The following NDRG3 variants were observed in gnomAD, a reference collection of about 807,000 sequenced individuals.
The protein encoded by NDRG3 is protein NDRG3.
NDRG3 carries 23 observed loss-of-function variants against 57.2 expected under a neutral mutation model. The observed-to-expected ratio is 0.40, with a 90% CI of 0.29 to 0.57. The LOEUF (loss-of-function observed/expected upper bound fraction) is 0.57. NDRG3 is among the 20% of genes least tolerant of loss of function. The pLI, the probability that NDRG3 is intolerant of heterozygous loss-of-function variation, is 0.42. For missense variants in NDRG3, 384 were observed against 457.3 expected, an observed-to-expected ratio of 0.84 and a Z score of 1.46; for synonymous variants, 132 against 162.6, an observed-to-expected ratio of 0.81 and a Z score of 1.43.
chr20:36,683,650 A>ATGTATG lies in NDRG3; in HGVS notation c.383+762_383+763insCATACA, dbSNP rs200203264. Among the ~76,000 whole-genome samples, 349 of 146,284 alleles carry ATGTATG rather than the reference A, an allele frequency of 2.4e-3. 2 individuals carry two copies. Among genetic ancestry groups the ATGTATG allele is most frequent in the African/African-American group, 8.9e-3 (337 of 37,916 alleles). Reference sequence around the variant, plus strand: ...TAAATAAATAAATAAATATATGTATATATATGTATATATACATATATATAT... The same window carrying ATGTATG: ...TAAATAAATAAATAAATATATGTATATGTATGTATATGTATATATACATATATATAT... On this transcript the variant is annotated intron_variant, in intron 6 of 15. Coordinates refer to ENST00000349004, the MANE Select transcript of NDRG3 (RefSeq NM_032013.4).
At chr20:36,706,869 T>G in intron 3 of NDRG3, 103 bp downstream of exon 3, 1 of 952,952 alleles carries the variant, frequency 1.0e-6, no homozygotes, top group Non-Finnish European at 1.6e-6. Flanking sequence ...GGACTCATTA[T>G]TAGCTATAAT....
chr20:36,693,862 A>T (rs1000998995), intron 3 of NDRG3, among the ~76,000 whole-genome samples: 4 of 151,874 alleles, frequency 2.6e-5, no homozygotes, highest in African/African-American at 9.7e-5. Flanking sequence ...TATATATTAC[A>T]ATGTAATAAT....
At position 36,669,292 on chromosome 20, in the gene NDRG3, C is replaced by T. The variant is rs190199762; in HGVS notation, c.588+2049G>A. Among the ~76,000 whole-genome samples the T allele has an allele frequency of 8.6e-5, 13 of 150,704 alleles. No homozygotes were observed. The East Asian group carries it at 1.8e-3, about 20-fold the overall frequency. On this transcript the variant is annotated intron_variant, in intron 9 of 15. Transcript: ENST00000349004. The stretch of plus-strand genomic sequence containing the variant: ...CGCCCAGAGCTGGGGTGCAATGGTG[C>T]GATCTCAGCTCACTGCAACCTCTGC...
At position 36,706,984 on chromosome 20, in the gene NDRG3, G is replaced by C. The variant is rs749136278; in HGVS notation, c.81C>G (p.Asp27Glu). The change falls in exon 3 of 16, where the codon GAC becomes GAG. Residue 27 changes from aspartate (D) to glutamate (E), a missense_variant. Transcript: ENST00000349004. ...GTACAGTCCTTACCTGACAGTCAAA[G>C]TCCTGGAAGTTTCTTGTACCATTCT... ...NDKNGTRNFQDFDCQEHDIET... is the reference protein window; with the variant it reads ...NDKNGTRNFQEFDCQEHDIET... 8 of 1,613,576 alleles carry C rather than the reference G, an allele frequency of 5.0e-6. No homozygotes were observed. Among genetic ancestry groups the C allele is most frequent in the Non-Finnish European group, 6.8e-6 (8 of 1,179,646 alleles).
Position 36,693,207 on chromosome 20 carries a change from T to C in NDRG3, c.94-4423A>G, listed in dbSNP as rs188839482. On this transcript the variant is annotated intron_variant, in intron 3 of 15. Transcript: ENST00000349004. Reference sequence around the variant, plus strand: ...ATATATACACACACACATATATATGTGTATATATATGTATATACGTATATA... The same window carrying C: ...ATATATACACACACACATATATATGCGTATATATATGTATATACGTATATA... Among the ~76,000 whole-genome samples, 825 of 139,990 alleles carry C rather than the reference T, an allele frequency of 5.9e-3. 5 individuals are homozygous for C. The highest frequency in any genetic ancestry group is 0.02 in the African/African-American group (749 of 37,798). The allele number at this position is 139,990 out of a possible 152,430, so 91.8% of individuals were successfully genotyped here.
chr20:36,738,021 G>A (rs931840479), intron 1 of NDRG3, among the ~76,000 whole-genome samples: 6 of 145,584 alleles, frequency 4.1e-5, no homozygotes, highest in African/African-American at 1.3e-4. Flanking sequence ...CTGAGATTGT[G>A]CCACCGCACT....
At position 36,743,994 on chromosome 20, in the gene NDRG3, G is replaced by T. The variant is rs569720722; in HGVS notation, c.-49+2051C>A. Reference sequence around the variant, plus strand: ...CGGCTCACTGCAAGCTCCAGCTCCCGGGTTCACGCCATTCTCCTGCCTCAG... The same window carrying T: ...CGGCTCACTGCAAGCTCCAGCTCCCTGGTTCACGCCATTCTCCTGCCTCAG... On this transcript the variant is annotated intron_variant, in intron 1 of 15. Transcript: ENST00000349004. 7.0e-5 allele frequency among the ~76,000 whole-genome samples: 9 copies of T among 128,790 alleles called. No individual in the cohort carries two copies. In the South Asian group the frequency reaches 2.5e-3, roughly 35 times the overall value. 84.5% of individuals were successfully genotyped at this position (128,790 alleles called of 152,430 possible).
At chr20:36,683,683 CAT>C (rs1236592473) in intron 6 of NDRG3, among the ~76,000 whole-genome samples, 3 of 148,144 alleles carry the variant, frequency 2.0e-5, no homozygotes, top group African/African-American at 5.1e-5. Context: ...TATACACACA[CAT>C]ATATGTACAC....
rs577707328 is a variant in NDRG3, at chr20:36,653,565, G to T, written c.1083C>A (p.Ser361=). The part of the protein sequence containing the change: ...QSDGTQESCE[S]PDVLDRHQTM... ...TCTGGTGTCTGTCCAGGACATCAGG[G>T]GACTCACAGGATTCTTGAGTTCCAT... Residue 361 remains serine (S), a synonymous_variant, in exon 16 of 16, where the codon TCC becomes TCA. Coordinates refer to ENST00000349004, the MANE Select transcript of NDRG3 (RefSeq NM_032013.4). This position sits in a 1 kb window ranked among gnomAD's most constrained non-coding sequence, Gnocchi z 4.2. 1 of 1,614,148 alleles carries T rather than the reference G, an allele frequency of 6.2e-7. No individual in the cohort carries two copies. The highest frequency in any genetic ancestry group is 1.3e-5 in the African/African-American group (1 of 75,044).
In NDRG3 at chr20:36,721,789, A is replaced by G; in HGVS notation, c.-48-6T>C. 7.8e-7 allele frequency: 1 copy of G among 1,288,326 alleles called. No homozygotes were observed. The highest frequency in any genetic ancestry group is 1.1e-6 in the Non-Finnish European group (1 of 899,714). The allele number at this position is 1,288,326 out of a possible 1,614,324, so 79.8% of individuals were successfully genotyped here. A position where few individuals can be genotyped will look rare whatever the true frequency, so the allele number is the denominator to read the frequency against. The stretch of plus-strand genomic sequence containing the variant: ...TCAAGAATAAATCAGTAACTCTGAA[A>G]CAGAAAAGAAAGAAGTGAAGAAAAA... On this transcript the variant is annotated splice_region_variant and splice_polypyrimidine_tract_variant and intron_variant, in intron 1 of 15. Coordinates refer to ENST00000349004, the MANE Select transcript of NDRG3 (RefSeq NM_032013.4).
At chr20:36,729,739 G>T (rs964553922) in intron 1 of NDRG3, among the ~76,000 whole-genome samples, 14 of 151,864 alleles carry the variant, frequency 9.2e-5, no homozygotes, top group African/African-American at 3.4e-4. Flanking sequence ...TGTTGCCCAG[G>T]CTGGTCTCTA....
intron 13 of NDRG3, among the ~76,000 whole-genome samples, chr20:36,659,469 C>T (rs1978966071): frequency 6.6e-6 from 1 of 151,988 alleles, no homozygotes; most frequent in Non-Finnish European, 1.5e-5. Flanking sequence ...AGGAAAAAGA[C>T]AGCAGTATTT....
At chr20:36,693,143 C>CACACACACATATACACATATATATAT (rs1982465660) in intron 3 of NDRG3, among the ~76,000 whole-genome samples, 5 of 24,650 alleles carry the variant, frequency 2.0e-4, no homozygotes, top group South Asian at 1.8e-3. Flanking sequence ...TATATATATA[C>CACACACACATATACACATATATATAT]ACACACACAC....
chr20:36,697,740 C>G (rs572886640), intron 3 of NDRG3, among the ~76,000 whole-genome samples: 13 of 151,266 alleles, frequency 8.6e-5, no homozygotes, highest in African/African-American at 2.4e-4. Flanking sequence ...AATACTGCAT[C>G]TTTACATTTG....
intron 1 of NDRG3, among the ~76,000 whole-genome samples, chr20:36,737,202 A>G (rs755544934): frequency 3.9e-5 from 6 of 152,144 alleles, no homozygotes; most frequent in Non-Finnish European, 8.8e-5. Flanking sequence ...CCAGACACCC[A>G]TCGGCCAGCG....
At chr20:36,693,766 C>A (rs1724088463) in intron 3 of NDRG3, among the ~76,000 whole-genome samples, 1 of 151,562 alleles carries the variant, frequency 6.6e-6, no homozygotes, top group African/African-American at 2.4e-5. Context: ...CTCCCATCAC[C>A]CCCACATGGG....
intron 2 of NDRG3, among the ~76,000 whole-genome samples, chr20:36,716,949 C>A (rs559483739): frequency 2.0e-5 from 3 of 152,274 alleles, no homozygotes; most frequent in Admixed American, 6.5e-5. Context: ...AATCAGATAA[C>A]CTCTCAGTGT....
chr20:36,708,289 C>T (rs1983663396), intron 2 of NDRG3, among the ~76,000 whole-genome samples: 1 of 152,054 alleles, frequency 6.6e-6, no homozygotes. Context: ...TCCAGAGATA[C>T]TCCAGATATC....
At chr20:36,693,428 C>G (rs750582173) in intron 3 of NDRG3, among the ~76,000 whole-genome samples, 16 of 151,230 alleles carry the variant, frequency 1.1e-4, no homozygotes, top group Admixed American at 2.0e-4. Context: ...TGACCAGAAG[C>G]CTTACTGATA....
Sources: allele counts gnomAD v4.1 joint callset (sites outside exome capture counted in the v4.1 genomes callset), GRCh38; gene constraint gnomAD v4.1.1; non-coding constraint Gnocchi (gnomAD v3.1); transcripts MANE v1.5; gene names NCBI Gene and HGNC (gene_info 2026-07-23, HGNC 2026-07-21).